ZNF254: variants seen among roughly 807,000 people sequenced by gnomAD.
ZNF254 encodes zinc finger protein 254, also known as CTD-2017D11.1.
ZNF254 carries 10 observed loss-of-function variants against 12.4 expected under a neutral mutation model. The ratio of observed to expected loss-of-function variants is 0.80; its 90% CI spans 0.50 to 1.36. The LOEUF (loss-of-function observed/expected upper bound fraction) is 1.36. Ranked by LOEUF, ZNF254 falls within the 40% of genes most tolerant of loss-of-function variation. ZNF254 has a pLI of 0.00. For synonymous variants in ZNF254, 305 were observed against 253.4 expected (o/e 1.20, Z -1.93); for missense variants, 996 against 763.9 (o/e 1.30, Z -3.58).
upstream of ZNF254, among the ~76,000 whole-genome samples, chr19:24,082,485 A>C (rs1453794508): frequency 9.2e-4 from 7 of 7,572 alleles, no homozygotes; most frequent in Non-Finnish European, 1.5e-3. Flanking sequence ...TCTATACTAA[A>C]AAAAAAAAAA....
intron 1 of ZNF254, among the ~76,000 whole-genome samples, chr19:24,033,857 T>G (rs1969858115): frequency 6.6e-6 from 1 of 152,206 alleles, no homozygotes; most frequent in African/African-American, 2.4e-5. Context: ...CAGCCCCGAG[T>G]ATTTCCCAGA....
intron 3 of ZNF254, among the ~76,000 whole-genome samples, chr19:24,125,067 G>C (rs892704126): frequency 6.6e-6 from 1 of 152,148 alleles, no homozygotes; most frequent in Non-Finnish European, 1.5e-5. Context: ...TTACAGGTGT[G>C]AGCCACTGTG....
intron 1 of ZNF254, among the ~76,000 whole-genome samples, chr19:24,100,866 T>A (rs1365207625): frequency 6.6e-6 from 1 of 151,762 alleles, no homozygotes; most frequent in South Asian, 2.1e-4. Flanking sequence ...TTGCTCTTGT[T>A]GCTCAGGCTG....
At chr19:24,036,346 C>T (rs1046554694) in intron 1 of ZNF254, among the ~76,000 whole-genome samples, 3 of 152,080 alleles carry the variant, frequency 2.0e-5, no homozygotes, top group African/African-American at 2.4e-5. Flanking sequence ...TGTGAGCCAC[C>T]GCGCCTGGCT....
intron 2 of ZNF254, chr19:24,049,421 C>T (rs1970563211): frequency 6.6e-6 from 1 of 151,662 alleles, no homozygotes; most frequent in Non-Finnish European, 1.5e-5. Context: ...TGTATAATCT[C>T]ATCCCTGAAC....
intron 2 of ZNF254, among the ~76,000 whole-genome samples, chr19:24,076,335 C>T (rs1971657976): frequency 6.6e-6 from 1 of 152,214 alleles, no homozygotes; most frequent in Non-Finnish European, 1.5e-5. Flanking sequence ...AATTTATATT[C>T]TGCTGCGGCT....
chr19:24,057,367 G>GT (rs1371422768), intron 2 of ZNF254, among the ~76,000 whole-genome samples: 1 of 152,126 alleles, frequency 6.6e-6, no homozygotes, highest in Non-Finnish European at 1.5e-5. Context: ...TTATAGGGAG[G>GT]TAACAACTCT....
intron 3 of ZNF254, among the ~76,000 whole-genome samples, chr19:24,119,107 G>A (rs769051316): frequency 6.6e-6 from 1 of 151,680 alleles, no homozygotes; most frequent in Admixed American, 6.6e-5. Context: ...ATGAGACTCT[G>A]ACTTCAAAAA....
intron 2 of ZNF254, 153 bp from the exon 3 acceptor site, chr19:24,106,395 T>C: frequency 1.6e-6 from 1 of 607,638 alleles, no homozygotes; most frequent in Non-Finnish European, 2.4e-6. Context: ...AAAATTAAAA[T>C]ATTTCCTAAA....
chr19:24,118,748 T>C (rs1167292497), intron 3 of ZNF254, among the ~76,000 whole-genome samples: 1 of 152,104 alleles, frequency 6.6e-6, no homozygotes, highest in Admixed American at 6.6e-5. Flanking sequence ...CTTATGCATT[T>C]AATGTTGTAG....
rs746043021 is a variant in ZNF254 at position 24,126,498 on chromosome 19, T to C, written c.498T>C (p.Phe166=). The C allele has an allele frequency of 6.3e-7, 1 of 1,587,790 alleles. No homozygotes were observed. The highest frequency in any genetic ancestry group is 1.4e-5 in the African/African-American group (1 of 73,098). ...CDKYLKVFYK[F]LNSNRPKIRH... Reference sequence around the variant, plus strand: ...AATATTTGAAAGTCTTCTATAAATTTTTAAATTCAAACAGACCTAAGATAA... The same window carrying C: ...AATATTTGAAAGTCTTCTATAAATTCTTAAATTCAAACAGACCTAAGATAA... Residue 166 remains phenylalanine (F), a synonymous_variant, in exon 4 of 4, where the codon TTT becomes TTC. Coordinates refer to ENST00000357002, the MANE Select transcript of ZNF254 (RefSeq NM_203282.4).
intron 2 of ZNF254, among the ~76,000 whole-genome samples, chr19:24,050,038 T>C (rs181484945): frequency 1.1e-3 from 174 of 152,206 alleles, no homozygotes; most frequent in Middle Eastern, 3.4e-3. Flanking sequence ...TGTGGTGATA[T>C]ATTACTGGGC....
At chr19:24,071,151 C>A (rs925092823) in intron 2 of ZNF254, among the ~76,000 whole-genome samples, 9 of 152,100 alleles carry the variant, frequency 5.9e-5, no homozygotes, top group Admixed American at 3.9e-4. Flanking sequence ...AAAGAGAAGG[C>A]CCCCTACTCT....
At chr19:24,069,475 C>T (rs534195558) in intron 2 of ZNF254, among the ~76,000 whole-genome samples, 10 of 150,328 alleles carry the variant, frequency 6.7e-5, no homozygotes, top group South Asian at 2.1e-4. Context: ...GGCGTGGTGG[C>T]GGGTGTCTAA....
At chr19:24,061,710 AC>A in intron 2 of ZNF254, among the ~76,000 whole-genome samples, 1 of 152,290 alleles carries the variant, frequency 6.6e-6, no homozygotes, top group Admixed American at 6.5e-5. Flanking sequence ...GGCCCAGCTC[AC>A]AGGTTTGATG....
At chr19:24,081,381 A>G (rs1043016223) in intron 2 of ZNF254, among the ~76,000 whole-genome samples, 2 of 152,210 alleles carry the variant, frequency 1.3e-5, no homozygotes, top group South Asian at 4.1e-4. Flanking sequence ...GAGGAGTTCT[A>G]TAAGCCAAAA....
chr19:24,054,544 A>G (rs1970768296), intron 2 of ZNF254, among the ~76,000 whole-genome samples: 1 of 152,240 alleles, frequency 6.6e-6, no homozygotes, highest in Non-Finnish European at 1.5e-5. Context: ...CCCAGGGCAC[A>G]CAGCACAAAG....
At position 24,044,958 on chromosome 19, in the gene ZNF254, T is replaced by G. The variant is rs746627833; in HGVS notation, c.-189-1226T>G. Among the ~76,000 whole-genome samples the G allele has an allele frequency of 4.5e-4, 69 of 152,364 alleles. 1 individual carries two copies. The highest frequency in any genetic ancestry group is 3.4e-3 in the Middle Eastern group (1 of 294). On this transcript the variant is annotated intron_variant, in intron 1 of 4. Transcript: ENST00000613065. ...TAGAGAACTATACATACGTTGTCTC[T>G]GAGTCGGAATAACTTACCTTCAGAA...
At chr19:24,096,884 G>A (rs548423463) in intron 1 of ZNF254, among the ~76,000 whole-genome samples, 1 of 152,230 alleles carries the variant, frequency 6.6e-6, no homozygotes, top group East Asian at 1.9e-4. Flanking sequence ...TCTCCCATAA[G>A]CATTCTTACG....
Sources: gnomAD v4.1 joint callset for allele counts (sites outside exome capture counted in the v4.1 genomes callset) on GRCh38, gnomAD v4.1.1 for gene constraint, MANE v1.5 for transcripts, NCBI Gene and HGNC (gene_info 2026-07-23, HGNC 2026-07-21) for gene names.